Variants in ANKHD1 observed in about 807,000 individuals in gnomAD.
ANKHD1 encodes ankyrin repeat and KH domain-containing protein 1.
ANKHD1 carries 31 observed loss-of-function variants against 230.5 expected under a neutral mutation model. The observed-to-expected ratio is 0.13, with a 90% CI of 0.10 to 0.18. ANKHD1 has a LOEUF of 0.18. ANKHD1 is among the 10% of genes least tolerant of loss of function. The probability of loss-of-function intolerance (pLI) is 1.00; values close to 1 mark genes in which losing one functional copy is unlikely to be tolerated. For synonymous variants in ANKHD1, 1,074 were observed against 1,117.6 expected, an observed-to-expected ratio of 0.96 and a Z score of 0.78; for missense variants, 2,256 against 3,071.3, an observed-to-expected ratio of 0.73 and a Z score of 6.27.
At chr5:140,482,527 T>C (rs1173071197) in intron 10 of ANKHD1, 53 bp from the exon 11 acceptor site, 2 of 1,583,722 alleles carry the variant, frequency 1.3e-6, no homozygotes, top group Non-Finnish European at 1.7e-6. Flanking sequence ...GTTTTTAAAA[T>C]AGATGGTTAG....
At chr5:140,420,443 C>T (rs1280158341) in intron 1 of ANKHD1, among the ~76,000 whole-genome samples, 1 of 152,142 alleles carries the variant, frequency 6.6e-6, no homozygotes, top group Non-Finnish European at 1.5e-5. Context: ...CTGTTTTCTT[C>T]TGAGACTTGC....
At chr5:140,427,995 A>T (rs1772674272) in intron 1 of ANKHD1, among the ~76,000 whole-genome samples, 1 of 151,060 alleles carries the variant, frequency 6.6e-6, no homozygotes, top group Non-Finnish European at 1.5e-5. Flanking sequence ...CACATCCCGG[A>T]CAGGGCGGCA....
intron 29 of ANKHD1, among the ~76,000 whole-genome samples, chr5:140,531,090 A>G (rs761832671): frequency 5.9e-5 from 9 of 152,230 alleles, no homozygotes; most frequent in Non-Finnish European, 1.3e-4. Flanking sequence ...GGAAAGTAAT[A>G]TAGACTTTGA....
At chr5:140,487,573 A>G (rs1245805961) in intron 14 of ANKHD1, among the ~76,000 whole-genome samples, 1 of 152,220 alleles carries the variant, frequency 6.6e-6, no homozygotes, top group Non-Finnish European at 1.5e-5. Flanking sequence ...TAAAATGTGT[A>G]CAAGTAATAT....
chr5:140,480,926 T>C (rs1279095289), intron 10 of ANKHD1, among the ~76,000 whole-genome samples: 1 of 152,026 alleles, frequency 6.6e-6, no homozygotes, highest in Non-Finnish European at 1.5e-5. Context: ...TAAAATATGA[T>C]TGCAGTTTAT....
At chr5:140,496,202 G>A (rs1369498086) in intron 14 of ANKHD1, among the ~76,000 whole-genome samples, 1 of 151,958 alleles carries the variant, frequency 6.6e-6, no homozygotes, top group Non-Finnish European at 1.5e-5. Context: ...TGAGATTCTT[G>A]CCTCTTGGTT....
rs1561663681 is a variant in ANKHD1 at position 140,401,976 on chromosome 5, T to C, written c.9T>C (p.Thr3=). The change falls in exon 1 of 34, where the codon ACT becomes ACC. Residue 3 remains threonine (T), a synonymous_variant. Transcript: ENST00000360839. ...GGCTCCGGGTGCGAACAATGCTGAC[T>C]GATAGCGGAGGCGGCGGCACCTCCT... is the stretch of plus-strand genomic sequence containing the variant. ML[T]DSGGGGTSFE... is the part of the protein sequence containing the mutation. The C allele has an allele frequency of 6.4e-7, 1 of 1,564,634 alleles. No individual in the cohort carries two copies.
intron 5 of ANKHD1, among the ~76,000 whole-genome samples, chr5:140,443,787 T>C (rs1394963510): frequency 6.6e-6 from 1 of 152,146 alleles, no homozygotes; most frequent in African/African-American, 2.4e-5. Flanking sequence ...CAGTGGTTTT[T>C]AAGGTTGTTT....
At chr5:140,517,049 C>G (rs1753050637) in intron 24 of ANKHD1, among the ~76,000 whole-genome samples, 1 of 148,478 alleles carries the variant, frequency 6.7e-6, no homozygotes, top group Admixed American at 6.7e-5. Context: ...AAACCCATCT[C>G]ACGTGCAGAG....
intron 1 of ANKHD1, among the ~76,000 whole-genome samples, chr5:140,415,736 CCG>C (rs1771320012): frequency 6.6e-6 from 1 of 151,684 alleles, no homozygotes; most frequent in Non-Finnish European, 1.5e-5. Flanking sequence ...CCGCACCCAG[CCG>C]CCTTTGATAC....
Position 140,529,312 on chromosome 5 carries a change from T to G in ANKHD1, c.6366T>G (p.Asn2122Lys), listed in dbSNP as rs753459979. 2.5e-6 allele frequency: 4 copies of G among 1,614,094 alleles called. No homozygotes were observed. The African/African-American group carries it at 5.3e-5, about 22-fold the overall frequency. The change falls in exon 29 of 34, where the codon AAT becomes AAG. Residue 2122 changes from asparagine to lysine, a missense_variant. Asn to Lys is a moderately conservative substitution (Grantham distance 94). Transcript: ENST00000360839. ...MVAADNQDTSNLPQLAVPAPR... is the reference protein window; with the variant it reads ...MVAADNQDTSKLPQLAVPAPR... ...CTGCTGATAATCAGGACACCAGTAA[T>G]TTACCTCAGTTAGCTGTACCAGCAC...
intron 24 of ANKHD1, among the ~76,000 whole-genome samples, chr5:140,515,540 C>T (rs1242339896): frequency 6.6e-6 from 1 of 152,144 alleles, no homozygotes; most frequent in Admixed American, 6.5e-5. Context: ...TCTGCATTTC[C>T]ATCTGAGCTT....
At chr5:140,419,806 C>CTTTCT in intron 1 of ANKHD1, among the ~76,000 whole-genome samples, 1 of 91,070 alleles carries the variant, frequency 1.1e-5, no homozygotes, top group Non-Finnish European at 2.5e-5. Context: ...TTCTTTCTTT[C>CTTTCT]TTTCTTTCTT....
rs763001180 is a variant in ANKHD1, at chr5:140,464,610, ACTAT to A, written c.1673-53_1673-50del. 941 of 1,376,714 alleles carry A rather than the reference ACTAT, an allele frequency of 6.8e-4. 3 individuals are homozygous for A. Among genetic ancestry groups the A allele is most frequent in the Middle Eastern group, 2.1e-3 (11 of 5,208 alleles). The allele number at this position is 1,376,714 out of a possible 1,614,324, so 85.3% of individuals were successfully genotyped here. A position where few individuals can be genotyped will look rare whatever the true frequency, so the allele number is the denominator to read the frequency against. On this transcript the variant is annotated intron_variant, in intron 9 of 33. Coordinates refer to ENST00000360839, the MANE Select transcript of ANKHD1 (RefSeq NM_017747.3). ...CAGTTTCACCAGATTGCAAAATTGG[ACTAT>A]CTAATACAATTTTACAGTTCACAAA...
intron 1 of ANKHD1, among the ~76,000 whole-genome samples, chr5:140,424,870 G>T (rs1002994895): frequency 1.2e-4 from 18 of 152,158 alleles, no homozygotes; most frequent in African/African-American, 4.3e-4. Context: ...AAACTTTGTT[G>T]TCTGAAACAC....
rs1278265058 is a variant in ANKHD1 at position 140,506,319 on chromosome 5, G to T, written c.3408+450G>T. ...TGTAAATGCCCTTTTTTTTTGGCGGGGGTTTGTGGAGGGAACAGGAGGGTG... is the reference window on the plus strand; with the variant it reads ...TGTAAATGCCCTTTTTTTTTGGCGGTGGTTTGTGGAGGGAACAGGAGGGTG... On this transcript the variant is annotated intron_variant, in intron 18 of 33. Coordinates refer to ENST00000360839, the MANE Select transcript of ANKHD1 (RefSeq NM_017747.3). This position sits in a 1 kb window ranked among gnomAD's most constrained non-coding sequence, Gnocchi z 4.7. Among the ~76,000 whole-genome samples, 5 of 151,202 alleles carry T rather than the reference G, an allele frequency of 3.3e-5. No individual in the cohort carries two copies. Among genetic ancestry groups the T allele is most frequent in the Admixed American group, 1.3e-4 (2 of 15,222 alleles).
In ANKHD1 at chr5:140,539,006, C is replaced by T; in HGVS notation, c.7492C>T (p.Leu2498Phe). Residue 2498 changes from leucine to phenylalanine, a missense_variant, in exon 33 of 34, where the codon CTT becomes TTT. This residue lies in a region of ANKHD1 where 778 missense variants were observed against 966.5 expected (regional missense o/e 0.80). Coordinates refer to ENST00000360839, the MANE Select transcript of ANKHD1 (RefSeq NM_017747.3). ...TCCAGGAGGCCCTCTGTTTAATGGA[C>T]TTCACAATCCAGATCCTGCTTGGAA... ...DVPGGPLFNG[L>F]HNPDPAWNPM... 1 of 1,612,754 alleles carries T rather than the reference C, an allele frequency of 6.2e-7. No homozygotes were observed. The highest frequency in any genetic ancestry group is 8.5e-7 in the Non-Finnish European group (1 of 1,179,422).
intron 15 of ANKHD1, among the ~76,000 whole-genome samples, chr5:140,499,137 C>G (rs1035940084): frequency 2.6e-5 from 4 of 151,826 alleles, no homozygotes; most frequent in African/African-American, 9.7e-5. Context: ...TAAAAACTTC[C>G]ATTTTTGTGA....
At chr5:140,404,997 GT>G (rs1770309526) in intron 1 of ANKHD1, among the ~76,000 whole-genome samples, 1 of 150,840 alleles carries the variant, frequency 6.6e-6, no homozygotes, top group Non-Finnish European at 1.5e-5. Context: ...GTGTGTGTGT[GT>G]GTGTGTGTGT....
Sources: gnomAD v4.1 joint callset for allele counts (sites outside exome capture counted in the v4.1 genomes callset) on GRCh38, gnomAD v4.1.1 for gene constraint, gnomAD v4.1.1 regional missense constraint, Gnocchi (gnomAD v3.1) non-coding constraint, MANE v1.5 for transcripts, NCBI Gene and HGNC (gene_info 2026-07-23, HGNC 2026-07-21) for gene names.